SLIT2: variants seen among roughly 807,000 people sequenced by gnomAD.
SLIT2 encodes slit guidance ligand 2, also known as slit homolog 2 protein.
Under a neutral mutation model 185.7 loss-of-function variants are expected in SLIT2, and 41 were observed. The observed-to-expected ratio is 0.22, with a 90% CI of 0.17 to 0.29. The LOEUF (loss-of-function observed/expected upper bound fraction) is 0.29, where lower values mean the gene tolerates loss of function less well. SLIT2 is among the 10% of genes least tolerant of loss of function. SLIT2 has a pLI of 1.00. For synonymous variants in SLIT2, 693 were observed against 680.2 expected (o/e 1.02, Z -0.29); for missense variants, 1,571 against 1,909.0 (o/e 0.82, Z 3.30).
Position 20,619,183 on chromosome 4 carries a change from ATGCTTG to A in SLIT2, c.*175_*180del. The A allele has an allele frequency of 3.1e-6, 2 of 642,998 alleles. No individual in the cohort carries two copies. The highest frequency in any genetic ancestry group is 4.9e-6 in the Non-Finnish European group (2 of 405,420). 39.8% of individuals were successfully genotyped at this position (642,998 alleles called of 1,614,324 possible). A position where few individuals can be genotyped will look rare whatever the true frequency, so the allele number is the denominator to read the frequency against. ...TGCATTTGGAAAAAAAAAAAAAGAA[ATGCTTG>A]AACTAAAGCTTCCCCTATGCTGGAG... On this transcript the variant is annotated 3_prime_UTR_variant, in exon 37 of 37. Transcript: ENST00000504154.
intron 5 of SLIT2, among the ~76,000 whole-genome samples, chr4:20,472,536 ATATCTATATC>A (rs1202782242): frequency 4.0e-5 from 1 of 24,820 alleles, no homozygotes; most frequent in South Asian, 1.8e-3. Context: ...ATATATAGAT[ATATCTATATC>A]TATATATAGA....
intron 21 of SLIT2, among the ~76,000 whole-genome samples, chr4:20,544,593 C>T (rs1221135548): frequency 6.6e-6 from 1 of 152,042 alleles, no homozygotes. Context: ...ATTCTTGTAA[C>T]CTTACCAAGT....
intron 9 of SLIT2, among the ~76,000 whole-genome samples, chr4:20,499,634 GC>G (rs1268654215): frequency 1.3e-5 from 2 of 151,860 alleles, no homozygotes; most frequent in East Asian, 3.9e-4. Flanking sequence ...GACTACAGGC[GC>G]CCCCCAGCAT....
chr4:20,531,941 A>G, intron 16 of SLIT2, 43 bp from the exon 17 acceptor site: 1 of 1,044,710 alleles, frequency 9.6e-7, no homozygotes, highest in East Asian at 2.5e-5. Flanking sequence ...TCCTTTCCTA[A>G]CTATTGGTAA....
At chr4:20,316,296 C>CTTA (rs1277800112) in intron 4 of SLIT2, among the ~76,000 whole-genome samples, 1 of 152,008 alleles carries the variant, frequency 6.6e-6, no homozygotes, top group African/African-American at 2.4e-5. Context: ...TTTTTACATA[C>CTTA]TTATCAACTA....
intron 4 of SLIT2, among the ~76,000 whole-genome samples, chr4:20,295,552 T>G (rs1716368994): frequency 6.6e-6 from 1 of 152,148 alleles, no homozygotes; most frequent in African/African-American, 2.4e-5. Flanking sequence ...GCTCTCTTAG[T>G]AGTAAGTCAA....
At position 20,620,511 on chromosome 4, in the gene SLIT2, A is replaced by G. The variant is rs569951017; in HGVS notation, c.*1502A>G. 5.3e-4 allele frequency: 226 copies of G among 429,024 alleles called. No homozygotes were observed. Among genetic ancestry groups the G allele is most frequent in the Non-Finnish European group, 8.8e-4 (191 of 217,486 alleles). 26.6% of individuals were successfully genotyped at this position (429,024 alleles called of 1,614,324 possible). On this transcript the variant is annotated 3_prime_UTR_variant, in exon 37 of 37. Coordinates refer to ENST00000504154, the MANE Select transcript of SLIT2 (RefSeq NM_004787.4). Reference sequence around the variant, plus strand: ...GTGCTTTGTCTTTCTCCAGATTAATATCGGTTACACTGCTGATGTTTGTAA... The same window carrying G: ...GTGCTTTGTCTTTCTCCAGATTAATGTCGGTTACACTGCTGATGTTTGTAA...
At chr4:20,532,152 A>G in intron 17 of SLIT2, 94 bp downstream of exon 17, 1 of 698,212 alleles carries the variant, frequency 1.4e-6, no homozygotes, top group Non-Finnish European at 2.3e-6. Context: ...AATACTAAAA[A>G]TCCTGGGAAA....
intron 4 of SLIT2, among the ~76,000 whole-genome samples, chr4:20,412,260 A>G (rs1394575194): frequency 1.3e-5 from 2 of 151,832 alleles, no homozygotes; most frequent in African/African-American, 4.8e-5. Flanking sequence ...TCAAGAACAA[A>G]TTTGCTGACT....
chr4:20,297,065 C>T (rs755760406), intron 4 of SLIT2, among the ~76,000 whole-genome samples: 2 of 152,170 alleles, frequency 1.3e-5, no homozygotes, highest in Non-Finnish European at 2.9e-5. Flanking sequence ...GTTTTGAACC[C>T]AGACTTTCTT....
At chr4:20,472,730 A>G (rs938517555) in intron 5 of SLIT2, among the ~76,000 whole-genome samples, 2 of 147,536 alleles carry the variant, frequency 1.4e-5, no homozygotes, top group African/African-American at 5.0e-5. Flanking sequence ...ACATTGTGCC[A>G]CTGATTTGTT....
intron 4 of SLIT2, among the ~76,000 whole-genome samples, chr4:20,376,751 T>A (rs1041335953): frequency 6.6e-6 from 1 of 152,140 alleles, no homozygotes; most frequent in Admixed American, 6.6e-5. Flanking sequence ...GAAACCATCA[T>A]TCTCAGCAAA....
chr4:20,417,623 G>A (rs548601667), intron 4 of SLIT2, among the ~76,000 whole-genome samples: 7 of 151,670 alleles, frequency 4.6e-5, no homozygotes, highest in Admixed American at 4.0e-4. Context: ...CTAAGTTCAA[G>A]CTATTCCCCT....
In SLIT2 at chr4:20,343,270, C is replaced by T. The variant is rs565443077; in HGVS notation, c.395+74389C>T. Among the ~76,000 whole-genome samples, 4 of 152,238 alleles carry T rather than the reference C, an allele frequency of 2.6e-5. No homozygotes were observed. The South Asian group carries it at 8.3e-4, about 32-fold the overall frequency. On this transcript the variant is annotated intron_variant, in intron 4 of 36. Coordinates refer to ENST00000504154, the MANE Select transcript of SLIT2 (RefSeq NM_004787.4). ...ATATCTATCATTCCACTCTCCATTA[C>T]TTCGTGGGGTCAACATTTTTAGCTC... is the stretch of plus-strand genomic sequence containing the variant.
At chr4:20,324,527 A>C (rs898751523) in intron 4 of SLIT2, among the ~76,000 whole-genome samples, 1 of 152,166 alleles carries the variant, frequency 6.6e-6, no homozygotes, top group Non-Finnish European at 1.5e-5. Flanking sequence ...CTGAAAATGG[A>C]ATCAGGAATT....
At chr4:20,611,208 T>TTTCTGAA (rs1729193164) in intron 34 of SLIT2, among the ~76,000 whole-genome samples, 1 of 152,224 alleles carries the variant, frequency 6.6e-6, no homozygotes, top group Non-Finnish European at 1.5e-5. Context: ...TTCTGAAAAA[T>TTTCTGAA]AATAACCTAT....
At chr4:20,536,593 A>G (rs1391946154) in intron 18 of SLIT2, among the ~76,000 whole-genome samples, 2 of 150,278 alleles carry the variant, frequency 1.3e-5, no homozygotes, top group South Asian at 2.1e-4. Flanking sequence ...AAACCACTGT[A>G]CAACTGTACA....
At chr4:20,283,986 A>T (rs1715034309) in intron 4 of SLIT2, among the ~76,000 whole-genome samples, 1 of 152,126 alleles carries the variant, frequency 6.6e-6, no homozygotes, top group South Asian at 2.1e-4. Context: ...TTGTCTTTCA[A>T]TTCCAATTAA....
chr4:20,337,597 A>G (rs1265434732), intron 4 of SLIT2, among the ~76,000 whole-genome samples: 2 of 152,322 alleles, frequency 1.3e-5, no homozygotes, highest in African/African-American at 2.4e-5. Context: ...GTAGATAATT[A>G]TAGAGTCAGG....
Sources: allele counts gnomAD v4.1 joint callset (sites outside exome capture counted in the v4.1 genomes callset), GRCh38; gene constraint gnomAD v4.1.1; transcripts MANE v1.5; gene names NCBI Gene and HGNC (gene_info 2026-07-23, HGNC 2026-07-21).